CPEB3: variants seen among roughly 807,000 people sequenced by gnomAD.
CPEB3 encodes the protein cytoplasmic polyadenylation element binding protein 3, also known as cytoplasmic polyadenylation element-binding protein 3.
Under a neutral mutation model 67.2 loss-of-function variants are expected in CPEB3, and 20 were observed. The ratio of observed to expected loss-of-function variants is 0.30; its 90% CI spans 0.21 to 0.43. The LOEUF (loss-of-function observed/expected upper bound fraction) is 0.43, where lower values mean the gene tolerates loss of function less well. CPEB3 is among the 20% of genes least tolerant of loss of function. CPEB3 has a pLI of 1.00. For missense variants in CPEB3, 746 were observed against 968.6 expected (o/e 0.77, Z 3.05); for synonymous variants, 376 against 393.1 (o/e 0.96, Z 0.51).
At chr10:92,162,095 C>T (rs1042479672) in intron 4 of CPEB3, among the ~76,000 whole-genome samples, 11 of 152,124 alleles carry the variant, frequency 7.2e-5, no homozygotes, top group African/African-American at 2.6e-4. Context: ...CCTCTAAGAA[C>T]TTTAATTCTC....
intron 7 of CPEB3, among the ~76,000 whole-genome samples, chr10:92,098,897 G>A (rs369975019): frequency 4.7e-5 from 7 of 149,520 alleles, no homozygotes; most frequent in Admixed American, 1.4e-4. Context: ...TTGGTCTCCC[G>A]AGTAGCTGGG....
intron 9 of CPEB3, among the ~76,000 whole-genome samples, chr10:92,067,257 T>C (rs1842586219): frequency 6.6e-6 from 1 of 151,996 alleles, no homozygotes; most frequent in Non-Finnish European, 1.5e-5. Context: ...TCACAGCACT[T>C]TGAGAGGCCG....
At chr10:92,158,333 A>C (rs1403762498) in intron 4 of CPEB3, among the ~76,000 whole-genome samples, 1 of 152,218 alleles carries the variant, frequency 6.6e-6, no homozygotes, top group African/African-American at 2.4e-5. Context: ...CAGAAGTCTT[A>C]TGAGGGTTTA....
intron 2 of CPEB3, among the ~76,000 whole-genome samples, chr10:92,217,248 T>TATATAC (rs1276898077): frequency 1.5e-4 from 19 of 127,272 alleles, no homozygotes; most frequent in African/African-American, 6.0e-4. Flanking sequence ...TATATATATA[T>TATATAC]ACACACACAC....
rs754246768 is a variant in CPEB3 at position 92,052,243 on chromosome 10, C to T, written c.2066G>A (p.Arg689His). 7 of 1,613,558 alleles carry T rather than the reference C, an allele frequency of 4.3e-6. No homozygotes were observed. The highest frequency in any genetic ancestry group is 5.9e-6 in the Non-Finnish European group (7 of 1,179,780). ...CCAGCGGAACGGGACGTGACGAGGG[C>T]GGTCGCCTCCCTCCTTCACCAGCGG... ...HKPLVKEGGD[R>H]PRHVPFRWS The change falls in exon 10 of 10, where the codon CGC (arginine) becomes CAC (histidine). Residue 689 changes from arginine (R) to histidine (H), a missense_variant. Physicochemically the swap from Arg to His is conservative, Grantham distance 29. This residue lies in a region of CPEB3 where 103 missense variants were observed against 251.1 expected (regional missense o/e 0.41). Transcript: ENST00000265997.
At chr10:92,207,226 GCCC>G (rs1409745557) in intron 2 of CPEB3, among the ~76,000 whole-genome samples, 1 of 152,000 alleles carries the variant, frequency 6.6e-6, no homozygotes, top group Non-Finnish European at 1.5e-5. Context: ...CAAGCAATCT[GCCC>G]CCATCGGCCT....
At chr10:92,255,663 G>T (rs1013387458) in intron 1 of CPEB3, among the ~76,000 whole-genome samples, 7 of 152,132 alleles carry the variant, frequency 4.6e-5, no homozygotes, top group African/African-American at 1.7e-4. Flanking sequence ...CCTAACCGTG[G>T]TGCACCACAC....
At chr10:92,280,343 C>CAAAAAAAAAAAAAAA (rs60338900) in intron 1 of CPEB3, among the ~76,000 whole-genome samples, 1 of 37,796 alleles carries the variant, frequency 2.6e-5, no homozygotes. Flanking sequence ...AACTCCATCT[C>CAAAAAAAAAAAAAAA]AAAAAAAAAA....
intron 9 of CPEB3, among the ~76,000 whole-genome samples, chr10:92,062,496 C>T (rs1463327939): frequency 6.6e-6 from 1 of 151,976 alleles, no homozygotes; most frequent in Non-Finnish European, 1.5e-5. Flanking sequence ...TTATGGAGTG[C>T]CTGTTCCTTG....
chr10:92,153,277 C>T (rs753466586), intron 4 of CPEB3, among the ~76,000 whole-genome samples: 3 of 152,188 alleles, frequency 2.0e-5, no homozygotes, highest in African/African-American at 7.2e-5. Flanking sequence ...AACTTTAACT[C>T]AGCACACGAG....
intron 8 of CPEB3, among the ~76,000 whole-genome samples, chr10:92,089,655 C>A (rs1473542851): frequency 6.6e-6 from 1 of 151,972 alleles, no homozygotes; most frequent in Non-Finnish European, 1.5e-5. Context: ...TGGTGGTGTG[C>A]GCCTGTAGTC....
chr10:92,279,720 G>A (rs1330396689), intron 1 of CPEB3, among the ~76,000 whole-genome samples: 2 of 151,946 alleles, frequency 1.3e-5, no homozygotes, highest in East Asian at 1.9e-4. Flanking sequence ...AAAATAAAAA[G>A]CAAAAAAACA....
chr10:92,278,204 T>C (rs1842083986), intron 1 of CPEB3, among the ~76,000 whole-genome samples: 1 of 151,876 alleles, frequency 6.6e-6, no homozygotes, highest in African/African-American at 2.4e-5. Context: ...AAAAAAATTA[T>C]TTTGGCTATT....
At chr10:92,275,837 A>ATTCTT (rs1186163181) in intron 1 of CPEB3, among the ~76,000 whole-genome samples, 1 of 139,318 alleles carries the variant, frequency 7.2e-6, no homozygotes, top group South Asian at 2.3e-4. Flanking sequence ...TCAGTACTTC[A>ATTCTT]TTCTTTTCTT....
chr10:92,214,689 T>C (rs1414787066), intron 2 of CPEB3, among the ~76,000 whole-genome samples: 1 of 152,096 alleles, frequency 6.6e-6, no homozygotes, highest in Non-Finnish European at 1.5e-5. Flanking sequence ...TTTCACCATA[T>C]TGGCCAGGCT....
chr10:92,289,732 A>AAAAAAAAAACAT, intron 1 of CPEB3, among the ~76,000 whole-genome samples: 2 of 75,772 alleles, frequency 2.6e-5, no homozygotes, highest in Non-Finnish European at 5.1e-5. Context: ...AAAAAAAAAA[A>AAAAAAAAAACAT]ATATATATAT....
At chr10:92,084,800 C>T (rs1009754490) in intron 8 of CPEB3, among the ~76,000 whole-genome samples, 25 of 152,032 alleles carry the variant, frequency 1.6e-4, no homozygotes, top group African/African-American at 5.3e-4. Context: ...AGGATGGTCT[C>T]GATCTCCTGA....
At chr10:92,284,454 C>T (rs571852456) in intron 1 of CPEB3, among the ~76,000 whole-genome samples, 1 of 152,286 alleles carries the variant, frequency 6.6e-6, no homozygotes, top group South Asian at 2.1e-4. Context: ...GCCTTTCACT[C>T]ACTGATATTT....
rs995733827 is a variant in CPEB3, at chr10:92,251,133, G to A, written c.-11-10772C>T. On this transcript the variant is annotated intron_variant, in intron 1 of 9. Transcript: ENST00000265997. Reference sequence around the variant, plus strand: ...TTCTGTGGGGTAACATGCTGTACACGTTTGTAAGCTAGAAGCAAAAGGCTG... The same window carrying A: ...TTCTGTGGGGTAACATGCTGTACACATTTGTAAGCTAGAAGCAAAAGGCTG... Among the ~76,000 whole-genome samples the A allele has an allele frequency of 4.6e-5, 7 of 152,184 alleles. No homozygotes were observed. The East Asian group carries it at 7.7e-4, about 17-fold the overall frequency.
Sources: allele counts gnomAD v4.1 joint callset (sites outside exome capture counted in the v4.1 genomes callset), GRCh38; gene constraint gnomAD v4.1.1; regional missense constraint gnomAD v4.1.1; transcripts MANE v1.5; gene names NCBI Gene and HGNC (gene_info 2026-07-23, HGNC 2026-07-21).